The following KLF13 variants were observed in gnomAD, a reference collection of about 807,000 sequenced individuals.
KLF13 encodes Krueppel-like factor 13.
In KLF13, 8 loss-of-function variants were observed where a neutral mutation model predicts 16.7. The ratio of observed to expected loss-of-function variants is 0.48; its 90% CI spans 0.28 to 0.87. The LOEUF (loss-of-function observed/expected upper bound fraction) is 0.87. Ranked by LOEUF, KLF13 falls within the 40% of genes least tolerant of loss-of-function variation. KLF13 has a pLI of 0.10. For missense variants in KLF13, 447 were observed against 452.2 expected (o/e 0.99, Z 0.10); for synonymous variants, 245 against 208.4 (o/e 1.18, Z -1.51).
intron 1 of KLF13, among the ~76,000 whole-genome samples, chr15:31,411,425 T>C (rs1188074566): frequency 1.3e-5 from 2 of 149,898 alleles, no homozygotes; most frequent in East Asian, 3.9e-4. Flanking sequence ...AGATGGAGTC[T>C]CGCTCTGTCG....
chr15:31,413,193 A>AC (rs2040215248), intron 1 of KLF13, among the ~76,000 whole-genome samples: 1 of 149,824 alleles, frequency 6.7e-6, no homozygotes, highest in South Asian at 2.1e-4. Flanking sequence ...TAGACAAAAA[A>AC]AAAAAAAAAC....
chr15:31,389,659 T>G (rs1211251714), upstream of KLF13, among the ~76,000 whole-genome samples: 2 of 152,198 alleles, frequency 1.3e-5, no homozygotes, highest in Non-Finnish European at 2.9e-5. Context: ...GCCTCTGCTA[T>G]CCACTCTCTC....
intron 1 of KLF13, among the ~76,000 whole-genome samples, chr15:31,346,175 C>CT (rs1305678492): frequency 6.6e-6 from 1 of 152,154 alleles, no homozygotes; most frequent in African/African-American, 2.4e-5. Context: ...GATCTTGACT[C>CT]TGTTTCTGGG....
intron 1 of KLF13, among the ~76,000 whole-genome samples, chr15:31,410,339 T>C (rs911930802): frequency 1.3e-5 from 2 of 150,710 alleles, no homozygotes; most frequent in South Asian, 2.1e-4. Context: ...GATAAAAAAG[T>C]ACAGAGGGAC....
At chr15:31,428,441 T>A (rs945301030) in intron 1 of KLF13, among the ~76,000 whole-genome samples, 1 of 152,222 alleles carries the variant, frequency 6.6e-6, no homozygotes, top group Non-Finnish European at 1.5e-5. Context: ...TTAGATTTAA[T>A]GTAACCTCAG....
intron 1 of KLF13, among the ~76,000 whole-genome samples, chr15:31,361,130 GA>G (rs1326732564): frequency 6.6e-6 from 1 of 152,222 alleles, no homozygotes; most frequent in Non-Finnish European, 1.5e-5. Context: ...AGCCTGCCGT[GA>G]AATAGGCCTC....
intron 2 of KLF13, among the ~76,000 whole-genome samples, chr15:31,397,877 G>A (rs908832222): frequency 6.7e-6 from 1 of 149,730 alleles, no homozygotes; most frequent in Non-Finnish European, 1.5e-5. Context: ...GTGGCGGCGG[G>A]GGGGGTGGTG....
In KLF13 at chr15:31,372,288, A is replaced by T; in HGVS notation, c.856A>T (p.Ser286Cys). The change falls in exon 2 of 2, where the codon AGC becomes TGC. Residue 286 changes from serine to cysteine, a missense_variant. This residue lies in a region of KLF13 where 88 missense variants were observed against 169.5 expected (regional missense o/e 0.52). Transcript: ENST00000307145. ...CAGCAGCCCCACCATCAGCCCGGCC[A>T]GCTCGCCCTGAGCCCGCCACAGCCA... ...DASSPTISPA[S>C]SP The T allele has an allele frequency of 1.4e-6, 2 of 1,473,588 alleles. No homozygotes were observed. The highest frequency in any genetic ancestry group is 1.8e-6 in the Non-Finnish European group (2 of 1,115,692). The allele number at this position is 1,473,588 out of a possible 1,614,324, so 91.3% of individuals were successfully genotyped here.
At chr15:31,426,942 G>A (rs898276571) in intron 1 of KLF13, among the ~76,000 whole-genome samples, 5 of 152,146 alleles carry the variant, frequency 3.3e-5, no homozygotes, top group Non-Finnish European at 4.4e-5. Context: ...CTTGCTCTTG[G>A]ACATCAGAAC....
intron 1 of KLF13, among the ~76,000 whole-genome samples, chr15:31,344,509 C>T (rs1442359070): frequency 6.6e-6 from 1 of 152,206 alleles, no homozygotes; most frequent in Non-Finnish European, 1.5e-5. Context: ...GTGACTTCAC[C>T]CTACTGTCAT....
intron 2 of KLF13, among the ~76,000 whole-genome samples, chr15:31,397,340 G>A (rs12441543): frequency 0.37 from 56,004 of 152,058 alleles, 11,203 homozygotes; most frequent in African/African-American, 0.52. Flanking sequence ...CATAATTACC[G>A]GGAGAATAAT....
intron 2 of KLF13, among the ~76,000 whole-genome samples, chr15:31,399,847 G>T (rs2040009716): frequency 6.6e-6 from 1 of 152,252 alleles, no homozygotes; most frequent in South Asian, 2.1e-4. Context: ...GGGGCTGAGA[G>T]CCTGACTCTG....
chr15:31,366,112 A>T (rs919629403), intron 1 of KLF13: 45 of 56,326 alleles, frequency 8.0e-4, no homozygotes, highest in African/African-American at 3.0e-3. Flanking sequence ...CACCCACCCC[A>T]CTCTCCCCGC....
intron 1 of KLF13, among the ~76,000 whole-genome samples, chr15:31,419,587 G>A (rs751348510): frequency 2.0e-5 from 3 of 152,124 alleles, no homozygotes; most frequent in Non-Finnish European, 4.4e-5. Context: ...AATCAGTGAA[G>A]TTGAAGACAG....
chr15:31,384,830 G>A (rs2039774912), intron 1 of KLF13, among the ~76,000 whole-genome samples: 1 of 152,296 alleles, frequency 6.6e-6, no homozygotes, highest in African/African-American at 2.4e-5. Context: ...AAAGCAAGCT[G>A]CTAAAGGAGC....
downstream of KLF13, among the ~76,000 whole-genome samples, chr15:31,408,079 T>A (rs2040149072): frequency 6.6e-6 from 1 of 152,170 alleles, no homozygotes; most frequent in South Asian, 2.1e-4. Context: ...AAAGAAGAAC[T>A]ATCTCTGTTT....
At chr15:31,430,514 G>T (rs1295456720) in intron 1 of KLF13, among the ~76,000 whole-genome samples, 2 of 152,214 alleles carry the variant, frequency 1.3e-5, no homozygotes, top group African/African-American at 4.8e-5. Flanking sequence ...GAAGGGCAAA[G>T]AGAGGGTGAG....
At chr15:31,335,433 GTA>G (rs56042107) in intron 1 of KLF13, among the ~76,000 whole-genome samples, 45,652 of 110,688 alleles carry the variant, frequency 0.41, 10,690 homozygotes, top group Non-Finnish European at 0.53. Context: ...GTGTGTGTGT[GTA>G]TGTGTGTGTG....
intron 1 of KLF13, among the ~76,000 whole-genome samples, chr15:31,384,731 C>G (rs946833720): frequency 6.6e-6 from 1 of 152,136 alleles, no homozygotes. Flanking sequence ...GACAGACACG[C>G]CCAAAGGCTG....
Sources: gnomAD v4.1 joint callset for allele counts (sites outside exome capture counted in the v4.1 genomes callset) on GRCh38, gnomAD v4.1.1 for gene constraint, gnomAD v4.1.1 regional missense constraint, MANE v1.5 for transcripts, NCBI Gene and HGNC (gene_info 2026-07-23, HGNC 2026-07-21) for gene names.